Variants in IL1RAPL1 observed in about 807,000 individuals in gnomAD.
The protein encoded by IL1RAPL1 is interleukin 1 receptor accessory protein like 1, also known as interleukin-1 receptor accessory protein-like 1.
IL1RAPL1 carries 3 observed loss-of-function variants against 48.4 expected under a neutral mutation model. The ratio of observed to expected loss-of-function variants is 0.06; its 90% CI spans 0.03 to 0.16. The LOEUF (loss-of-function observed/expected upper bound fraction) is 0.16. Among genes scored for constraint, IL1RAPL1 ranks in the 10% least tolerant of loss-of-function variants. IL1RAPL1 has a pLI of 1.00. For synonymous variants in IL1RAPL1, 185 were observed against 187.7 expected, an observed-to-expected ratio of 0.99 and a Z score of 0.12; for missense variants, 349 against 530.6, an observed-to-expected ratio of 0.66 and a Z score of 3.36.
At chrX:29,831,631 A>G (rs1930879425) in intron 6 of IL1RAPL1, among the ~76,000 whole-genome samples, 1 of 111,916 alleles carries the variant, frequency 8.9e-6, no homozygotes, top group African/African-American at 3.3e-5. Context: ...ACATGAAACT[A>G]TAGCCCAGAT....
chrX:29,626,210 A>G (rs142625453), intron 5 of IL1RAPL1, among the ~76,000 whole-genome samples: 536 of 112,238 alleles, frequency 4.8e-3, no homozygotes, highest in Middle Eastern at 9.2e-3. Context: ...TTGAGATACA[A>G]CTATTTTTCC....
At chrX:29,226,636 C>T (rs190232612) in intron 2 of IL1RAPL1, among the ~76,000 whole-genome samples, 3 of 108,217 alleles carry the variant, frequency 2.8e-5, no homozygotes, top group East Asian at 5.8e-4. Context: ...GGTTTCATCA[C>T]GTTGGCCAGG....
At chrX:28,735,917 T>G (rs1935818505) in intron 1 of IL1RAPL1, among the ~76,000 whole-genome samples, 1 of 111,982 alleles carries the variant, frequency 8.9e-6, no homozygotes, top group African/African-American at 3.2e-5. Context: ...CCTTTCATAT[T>G]TCCTTCCTTA....
At chrX:28,751,167 T>C (rs1277844740) in intron 1 of IL1RAPL1, among the ~76,000 whole-genome samples, 2 of 111,775 alleles carry the variant, frequency 1.8e-5, no homozygotes, top group East Asian at 5.6e-4. Flanking sequence ...CTCCCAGAGA[T>C]CTTTTGACTC....
Position 28,778,156 on chromosome X carries a change from A to G in IL1RAPL1, c.-24-11164A>G, listed in dbSNP as rs918510773. ...CATAAGTTGTTATGGTTATGGATAT[A>G]TAGAGTTTAACTGGAAAAATAAAAC... On this transcript the variant is annotated intron_variant, in intron 1 of 10. Coordinates refer to ENST00000378993, the MANE Select transcript of IL1RAPL1 (RefSeq NM_014271.4). Among the ~76,000 whole-genome samples the G allele has an allele frequency of 2.7e-5, 3 of 111,802 alleles. No homozygotes were observed. The Admixed American group carries it at 2.9e-4, about 11-fold the overall frequency.
At chrX:29,348,004 T>C (rs1197083494) in intron 3 of IL1RAPL1, among the ~76,000 whole-genome samples, 1 of 111,881 alleles carries the variant, frequency 8.9e-6, no homozygotes, top group African/African-American at 3.3e-5. Flanking sequence ...CAGTGTGCAA[T>C]TGAAAACTTA....
intron 6 of IL1RAPL1, among the ~76,000 whole-genome samples, chrX:29,850,064 G>A (rs7890886): frequency 0.19 from 20,795 of 110,953 alleles, 3,617 homozygotes; most frequent in African/African-American, 0.54. Flanking sequence ...TGAACCCGAT[G>A]CACTGCTTTT....
At chrX:29,025,916 C>T (rs754010108) in intron 2 of IL1RAPL1, among the ~76,000 whole-genome samples, 16 of 111,723 alleles carry the variant, frequency 1.4e-4, no homozygotes, top group African/African-American at 4.2e-4. Flanking sequence ...TGGCAAATTA[C>T]TCACTTCCAT....
At chrX:29,282,465 T>C in intron 2 of IL1RAPL1, among the ~76,000 whole-genome samples, 1 of 112,169 alleles carries the variant, frequency 8.9e-6, no homozygotes. Flanking sequence ...AGGAGCCAGG[T>C]GCTGAAGAAG....
At chrX:28,855,849 T>G (rs958424162) in intron 2 of IL1RAPL1, among the ~76,000 whole-genome samples, 1 of 111,633 alleles carries the variant, frequency 9.0e-6, no homozygotes, top group African/African-American at 3.2e-5. Flanking sequence ...AGGAAAAATC[T>G]TAATTATAAG....
chrX:29,429,239 A>G (rs1204442946), intron 5 of IL1RAPL1, among the ~76,000 whole-genome samples: 1 of 112,058 alleles, frequency 8.9e-6, no homozygotes, highest in Non-Finnish European at 1.9e-5. Flanking sequence ...CCCTGTCCCC[A>G]TACTACAGAG....
chrX:29,514,609 C>T (rs6630890), intron 5 of IL1RAPL1, among the ~76,000 whole-genome samples: 48,433 of 110,667 alleles, frequency 0.44, 7,699 homozygotes, highest in East Asian at 0.7. Flanking sequence ...CCACCACGCC[C>T]GGCTAATTTT....
At chrX:28,695,357 T>C (rs185316508) in intron 1 of IL1RAPL1, among the ~76,000 whole-genome samples, 6 of 110,776 alleles carry the variant, frequency 5.4e-5, no homozygotes, top group Non-Finnish European at 1.1e-4. Context: ...GGTAAGAATT[T>C]GAATCCTGAC....
chrX:29,287,782 C>T (rs1050231536), intron 3 of IL1RAPL1, among the ~76,000 whole-genome samples: 2 of 111,808 alleles, frequency 1.8e-5, no homozygotes, highest in African/African-American at 6.5e-5. Context: ...TTTGAGAATT[C>T]TTTGTATGTT....
chrX:28,783,906 T>A (rs1479889132), intron 1 of IL1RAPL1, among the ~76,000 whole-genome samples: 6 of 111,840 alleles, frequency 5.4e-5, no homozygotes, highest in African/African-American at 1.6e-4. Context: ...TTGCTAAAAT[T>A]GTTGATTTCC....
intron 5 of IL1RAPL1, among the ~76,000 whole-genome samples, chrX:29,421,365 G>A (rs1412080190): frequency 2.7e-5 from 3 of 110,841 alleles, no homozygotes; most frequent in Non-Finnish European, 3.8e-5. Context: ...GCTCCTCCCC[G>A]CTGCAAAGGG....
chrX:29,169,025 A>T (rs1602093044), intron 2 of IL1RAPL1, among the ~76,000 whole-genome samples: 1 of 106,151 alleles, frequency 9.4e-6, no homozygotes, highest in South Asian at 4.0e-4. Flanking sequence ...AATGTGATAT[A>T]TTAATAAATG....
intron 2 of IL1RAPL1, among the ~76,000 whole-genome samples, chrX:29,011,805 A>G (rs1429497186): frequency 8.9e-6 from 1 of 112,814 alleles, no homozygotes; most frequent in African/African-American, 3.2e-5. Context: ...CTACAAAGCT[A>G]TTTTTAAAAA....
intron 1 of IL1RAPL1, among the ~76,000 whole-genome samples, chrX:28,726,858 A>T (rs1469468940): frequency 8.9e-6 from 1 of 111,743 alleles, no homozygotes; most frequent in Non-Finnish European, 1.9e-5. Flanking sequence ...TAAACACTAT[A>T]TTGCACAGCT....
Sources: gnomAD v4.1 joint callset for allele counts (sites outside exome capture counted in the v4.1 genomes callset) on GRCh38, gnomAD v4.1.1 for gene constraint, MANE v1.5 for transcripts, NCBI Gene and HGNC (gene_info 2026-07-23, HGNC 2026-07-21) for gene names.